UBE2QL1: variants seen among roughly 807,000 people sequenced by gnomAD.
UBE2QL1 encodes the protein ubiquitin conjugating enzyme E2 QL1.
Under a neutral mutation model 12.6 loss-of-function variants are expected in UBE2QL1, and 5 were observed. The ratio of observed to expected loss-of-function variants is 0.40; its 90% confidence interval spans 0.21 to 0.83. UBE2QL1 has a LOEUF of 0.83. Ranked by LOEUF, UBE2QL1 falls within the 40% of genes least tolerant of loss-of-function variation. UBE2QL1 has a pLI of 0.37. For synonymous variants in UBE2QL1, 96 were observed against 94.5 expected (o/e 1.02, Z -0.10); for missense variants, 99 against 222.6 (o/e 0.44, Z 3.53).
chr5:6,467,364 G>C lies in UBE2QL1; in HGVS notation c.354+18117G>C, dbSNP rs138257690. Among the ~76,000 whole-genome samples, 66 of 152,214 alleles carry C rather than the reference G, an allele frequency of 4.3e-4. 2 individuals carry two copies. The East Asian group carries it at 0.013, about 29-fold the overall frequency. On this transcript the variant is annotated intron_variant, in intron 1 of 1. Transcript: ENST00000399816. ...CTGGAGAGGGGAAGTCTGAGATCCA[G>C]GTGTGGGCAGGGCTGGATCCCGAGG...
intron 1 of UBE2QL1, among the ~76,000 whole-genome samples, chr5:6,480,061 G>A (rs1189653510): frequency 3.3e-5 from 5 of 152,206 alleles, no homozygotes; most frequent in Non-Finnish European, 5.9e-5. Flanking sequence ...ACAGCCAGGC[G>A]GGTCACTTTT....
chr5:6,491,087 G>A (rs1057309335), intron 1 of UBE2QL1, 131 bp from the exon 2 acceptor site: 1 of 1,037,768 alleles, frequency 9.6e-7, no homozygotes, highest in Admixed American at 3.1e-5. Flanking sequence ...CCCCCACCCT[G>A]CTGGTGGCCA....
chr5:6,466,350 A>G (rs888153537), intron 1 of UBE2QL1, among the ~76,000 whole-genome samples: 8 of 151,140 alleles, frequency 5.3e-5, no homozygotes, highest in African/African-American at 1.9e-4. Flanking sequence ...AGTCCCCCCA[A>G]CCCATCTGCC....
At chr5:6,489,204 C>A (rs1734519761) in intron 1 of UBE2QL1, among the ~76,000 whole-genome samples, 1 of 151,982 alleles carries the variant, frequency 6.6e-6, no homozygotes, top group Non-Finnish European at 1.5e-5. Flanking sequence ...GTGGAAGGAT[C>A]ACTTGAGACC....
At chr5:6,452,226 G>A (rs1294035542) in intron 1 of UBE2QL1, among the ~76,000 whole-genome samples, 3 of 152,116 alleles carry the variant, frequency 2.0e-5, no homozygotes, top group African/African-American at 4.8e-5. Flanking sequence ...AAAAGCTTAG[G>A]TTTATCACAT....
intron 1 of UBE2QL1, among the ~76,000 whole-genome samples, chr5:6,483,265 G>A (rs1445398694): frequency 6.6e-6 from 1 of 151,956 alleles, no homozygotes; most frequent in Non-Finnish European, 1.5e-5. Flanking sequence ...GTGAAACCCC[G>A]TCTCTACTGA....
At chr5:6,458,875 A>G (rs978249971) in intron 1 of UBE2QL1, among the ~76,000 whole-genome samples, 2 of 152,202 alleles carry the variant, frequency 1.3e-5, no homozygotes, top group Non-Finnish European at 2.9e-5. Flanking sequence ...ATCATAATGT[A>G]TTTAACCTGG....
rs1014151304 is a variant in UBE2QL1 at position 6,476,394 on chromosome 5, G to A, written c.355-14824G>A. ...GCACTTAAAGGTCTAATTTTCCCAC[G>A]GGTGAAAACATCCCATTTTAAGAAT... On this transcript the variant is annotated intron_variant, in intron 1 of 1. Coordinates refer to ENST00000399816, the MANE Select transcript of UBE2QL1 (RefSeq NM_001145161.3). The surrounding 1 kb of genome is among the most constrained non-coding windows in gnomAD (Gnocchi z 4.9). 2.6e-5 allele frequency among the ~76,000 whole-genome samples: 4 copies of A among 152,284 alleles called. No homozygotes were observed. In the East Asian group the frequency reaches 5.8e-4, roughly 22 times the overall value.
chr5:6,473,803 A>G (rs1346860872), intron 1 of UBE2QL1, among the ~76,000 whole-genome samples: 1 of 152,240 alleles, frequency 6.6e-6, no homozygotes, highest in African/African-American at 2.4e-5. Context: ...TTTGAATCTT[A>G]CCACAAGCCA....
At chr5:6,466,446 C>A (rs924771518) in intron 1 of UBE2QL1, among the ~76,000 whole-genome samples, 1 of 152,236 alleles carries the variant, frequency 6.6e-6, no homozygotes, top group African/African-American at 2.4e-5. Flanking sequence ...GGGGCTGTGT[C>A]CTGTCTCCCA....
intron 1 of UBE2QL1, among the ~76,000 whole-genome samples, chr5:6,472,417 G>A (rs1049036855): frequency 2.2e-4 from 33 of 152,056 alleles, no homozygotes; most frequent in African/African-American, 7.7e-4. Flanking sequence ...TTCTGGAAGC[G>A]GCCGATCGAC....
chr5:6,477,909 C>G (rs1734272512), intron 1 of UBE2QL1, among the ~76,000 whole-genome samples: 1 of 152,206 alleles, frequency 6.6e-6, no homozygotes, highest in African/African-American at 2.4e-5. Flanking sequence ...AGACAAAAGA[C>G]AGACCTGGTG....
intron 1 of UBE2QL1, among the ~76,000 whole-genome samples, chr5:6,457,821 C>T (rs1241976097): frequency 1.3e-5 from 2 of 152,204 alleles, no homozygotes; most frequent in Admixed American, 1.3e-4. Flanking sequence ...CCTCATGGCA[C>T]ATATGGATGT....
intron 1 of UBE2QL1, among the ~76,000 whole-genome samples, chr5:6,457,803 T>C (rs1236913743): frequency 6.6e-6 from 1 of 152,232 alleles, no homozygotes; most frequent in Non-Finnish European, 1.5e-5. Flanking sequence ...ACGTGTAGCA[T>C]TATTGTTCCT....
intron 1 of UBE2QL1, among the ~76,000 whole-genome samples, chr5:6,461,627 C>T (rs1345339184): frequency 6.9e-6 from 1 of 145,516 alleles, no homozygotes; most frequent in African/African-American, 2.5e-5. Flanking sequence ...TAAATCAGTT[C>T]CTGGGCCTGG....
At chr5:6,488,054 T>C (rs961902287) in intron 1 of UBE2QL1, among the ~76,000 whole-genome samples, 2 of 152,302 alleles carry the variant, frequency 1.3e-5, no homozygotes, top group South Asian at 4.1e-4. Context: ...AAACTGTTAA[T>C]TGTAAACGTG....
chr5:6,469,056 T>C (rs1417205164), intron 1 of UBE2QL1, among the ~76,000 whole-genome samples: 1 of 152,210 alleles, frequency 6.6e-6, no homozygotes, highest in Admixed American at 6.5e-5. Context: ...CTTCACGTTC[T>C]TCTTGTTTGG....
At chr5:6,470,775 G>T (rs559065402) in intron 1 of UBE2QL1, among the ~76,000 whole-genome samples, 1 of 152,298 alleles carries the variant, frequency 6.6e-6, no homozygotes, top group African/African-American at 2.4e-5. Context: ...GGACTGTCCT[G>T]TGTATCATGT....
chr5:6,489,874 G>A (rs565930199), intron 1 of UBE2QL1, among the ~76,000 whole-genome samples: 33 of 152,332 alleles, frequency 2.2e-4, no homozygotes, highest in African/African-American at 7.0e-4. Flanking sequence ...GGGAGGCCTG[G>A]TCCCCATTCA....
Sources: gnomAD v4.1 joint callset for allele counts (sites outside exome capture counted in the v4.1 genomes callset) on GRCh38, gnomAD v4.1.1 for gene constraint, Gnocchi (gnomAD v3.1) non-coding constraint, MANE v1.5 for transcripts, NCBI Gene and HGNC (gene_info 2026-07-23, HGNC 2026-07-21) for gene names.